The following ATF1 variants were observed in gnomAD, a reference collection of about 807,000 sequenced individuals.
ATF1 encodes activating transcription factor 1, also known as cyclic AMP-dependent transcription factor ATF-1.
A neutral mutation model predicts 34.7 loss-of-function variants in ATF1; 16 were observed. That is an observed-to-expected ratio of 0.46 (90% CI 0.31 to 0.70). The LOEUF (loss-of-function observed/expected upper bound fraction) is 0.70. Among genes scored for constraint, ATF1 ranks in the 30% least tolerant of loss-of-function variants. The pLI, the probability that ATF1 is intolerant of heterozygous loss-of-function variation, is 0.05. For missense variants in ATF1, 255 were observed against 321.6 expected, an observed-to-expected ratio of 0.79 and a Z score of 1.58; for synonymous variants, 105 against 113.1, an observed-to-expected ratio of 0.93 and a Z score of 0.46.
chr12:50,805,488 A>G lies in ATF1; in HGVS notation c.195-3968A>G, dbSNP rs563140783. ...TGGGAGGATCACTTGAGCCTGGGAG[A>G]TCAAGGCTGCAGTGAGCCGTGATTG... is the stretch of plus-strand genomic sequence containing the variant. On this transcript the variant is annotated intron_variant, in intron 3 of 6. Transcript: ENST00000262053. 4.7e-5 allele frequency among the ~76,000 whole-genome samples: 7 copies of G among 148,976 alleles called. No homozygotes were observed. In the South Asian group the frequency reaches 1.3e-3, roughly 27 times the overall value.
In ATF1 at chr12:50,809,456, A is replaced by G; in HGVS notation, c.195A>G (p.Arg65=). 1 of 1,609,450 alleles carries G rather than the reference A, an allele frequency of 6.2e-7. No individual in the cohort carries two copies. Among genetic ancestry groups the G allele is most frequent in the Non-Finnish European group, 8.5e-7 (1 of 1,177,756 alleles). Residue 65 remains arginine (R), a splice_region_variant and synonymous_variant, in exon 4 of 7, where the codon AGA becomes AGG. Transcript: ENST00000262053. ...AATAGAGTTCTGGTTTTTTTTACAG[A>G]AAAATTTTGAAAGACTTATCTTCTG... is the stretch of plus-strand genomic sequence containing the variant. The part of the protein sequence containing the change: ...HGILARRPSY[R]KILKDLSSED...
At chr12:50,771,370 T>C (rs149905851) in intron 1 of ATF1, among the ~76,000 whole-genome samples, 59 of 152,296 alleles carry the variant, frequency 3.9e-4, no homozygotes, top group African/African-American at 1.4e-3. Flanking sequence ...CAGGACAAGC[T>C]TACTGAACGT....
chr12:50,791,797 A>T (rs1265911530), intron 2 of ATF1, among the ~76,000 whole-genome samples: 1 of 152,150 alleles, frequency 6.6e-6, no homozygotes, highest in Non-Finnish European at 1.5e-5. Flanking sequence ...GTGAGCCTGG[A>T]GGGATGATGA....
At chr12:50,815,552 ATT>A (rs34472221) in intron 6 of ATF1, among the ~76,000 whole-genome samples, 1 of 144,380 alleles carries the variant, frequency 6.9e-6, no homozygotes, top group African/African-American at 2.5e-5. Flanking sequence ...CACCCAGCTA[ATT>A]TTTTTTTTTT....
At position 50,776,322 on chromosome 12, in the gene ATF1, G is replaced by GAA. The variant is rs201546779; in HGVS notation, c.-6-3809_-6-3808dup. On this transcript the variant is annotated intron_variant, in intron 1 of 6. Transcript: ENST00000262053. ...CAGAGTGAGACTCTGTCTCAAAAAA[G>GAA]AAAAAAAAAATTTTTTTTTAATTAG... is the stretch of plus-strand genomic sequence containing the variant. Among the ~76,000 whole-genome samples, 3 of 144,202 alleles carry GAA rather than the reference G, an allele frequency of 2.1e-5. No homozygotes were observed. In the Admixed American group the frequency reaches 2.1e-4, roughly 10 times the overall value. The allele number at this position is 144,202 out of a possible 152,430, so 94.6% of individuals were successfully genotyped here.
intron 3 of ATF1, among the ~76,000 whole-genome samples, chr12:50,807,074 A>G (rs1941630474): frequency 6.6e-6 from 1 of 152,216 alleles, no homozygotes; most frequent in African/African-American, 2.4e-5. Flanking sequence ...ACATGTAGCA[A>G]TTATCAAATA....
At position 50,819,913 on chromosome 12, in the gene ATF1, G is replaced by A. The variant is rs760550178; in HGVS notation, c.*134G>A. On this transcript the variant is annotated 3_prime_UTR_variant, in exon 7 of 7. Transcript: ENST00000262053. ...TCCAAATCAAGGATAAATATCTTAC[G>A]CACGATATCTAGTGACAGAGGAGAA... The A allele has an allele frequency of 1.6e-5, 12 of 749,950 alleles. No homozygotes were observed. Among genetic ancestry groups the A allele is most frequent in the East Asian group, 1.2e-4 (4 of 33,956 alleles). The allele number at this position is 749,950 out of a possible 1,614,324, so 46.5% of individuals were successfully genotyped here. A position where few individuals can be genotyped will look rare whatever the true frequency, so the allele number is the denominator to read the frequency against.
At chr12:50,812,729 TAGG>T (rs1380064383) in intron 4 of ATF1, among the ~76,000 whole-genome samples, 1 of 151,688 alleles carries the variant, frequency 6.6e-6, no homozygotes, top group Non-Finnish European at 1.5e-5. Context: ...GAGGCTGAGG[TAGG>T]AGGATTGCTT....
intron 2 of ATF1, among the ~76,000 whole-genome samples, chr12:50,787,677 G>A (rs1001678170): frequency 5.3e-5 from 8 of 152,254 alleles, no homozygotes; most frequent in African/African-American, 1.9e-4. Context: ...AGTGGGCAGA[G>A]GTTGCAGTGA....
At chr12:50,803,941 G>A (rs1396625585) in intron 3 of ATF1, among the ~76,000 whole-genome samples, 2 of 152,194 alleles carry the variant, frequency 1.3e-5, no homozygotes, top group Admixed American at 6.5e-5. Flanking sequence ...TAGCGCTTGG[G>A]AGAGAGGACA....
intron 3 of ATF1, among the ~76,000 whole-genome samples, chr12:50,807,733 C>T (rs36064584): frequency 0.018 from 2,665 of 150,856 alleles, 43 homozygotes; most frequent in Non-Finnish European, 0.03. Context: ...TTAAGCATTT[C>T]TTTTTTCTTT....
intron 2 of ATF1, among the ~76,000 whole-genome samples, chr12:50,790,000 G>T (rs1245441190): frequency 6.6e-6 from 1 of 152,126 alleles, no homozygotes; most frequent in Non-Finnish European, 1.5e-5. Context: ...CCCATAGCCT[G>T]CATTAAATCA....
Position 50,796,088 on chromosome 12 carries a change from A to G in ATF1, c.194+79A>G, listed in dbSNP as rs977508855. ...CAAGAGGTGCTGTGCAAAGTACACT[A>G]AAGAAGTTAGCACGCGTCAGTGTTA... On this transcript the variant is annotated intron_variant, in intron 3 of 6. Transcript: ENST00000262053. 18 of 1,222,920 alleles carry G rather than the reference A, an allele frequency of 1.5e-5. No individual in the cohort carries two copies. In the East Asian group the frequency reaches 3.2e-4, roughly 22 times the overall value. 75.8% of individuals were successfully genotyped at this position (1,222,920 alleles called of 1,614,324 possible). A position where few individuals can be genotyped will look rare whatever the true frequency, so the allele number is the denominator to read the frequency against.
chr12:50,779,816 T>G (rs1941015013), intron 1 of ATF1, among the ~76,000 whole-genome samples: 1 of 152,182 alleles, frequency 6.6e-6, no homozygotes, highest in South Asian at 2.1e-4. Flanking sequence ...ATATGTACAC[T>G]TAGAAACTTC....
At chr12:50,780,285 A>T in intron 2 of ATF1, 47 bp downstream of exon 2, 1 of 1,430,408 alleles carries the variant, frequency 7.0e-7, no homozygotes, top group Admixed American at 1.8e-5. Context: ...GGAATATTTT[A>T]TATGCAGATT....
At chr12:50,777,855 A>G (rs1940962932) in intron 1 of ATF1, among the ~76,000 whole-genome samples, 1 of 152,068 alleles carries the variant, frequency 6.6e-6, no homozygotes, top group African/African-American at 2.4e-5. Flanking sequence ...ACAGTTATTA[A>G]TTCAATGAAG....
At chr12:50,788,596 C>T (rs888870922) in intron 2 of ATF1, among the ~76,000 whole-genome samples, 3 of 151,980 alleles carry the variant, frequency 2.0e-5, no homozygotes, top group Non-Finnish European at 4.4e-5. Context: ...GATCCTCCTG[C>T]CTTTGCCTCC....
chr12:50,778,752 T>A (rs1262502335), intron 1 of ATF1, among the ~76,000 whole-genome samples: 1 of 152,150 alleles, frequency 6.6e-6, no homozygotes, highest in Non-Finnish European at 1.5e-5. Context: ...CACCCCTGGC[T>A]AATTTTTTTT....
chr12:50,786,256 C>A (rs1337946525), intron 2 of ATF1, among the ~76,000 whole-genome samples: 1 of 152,076 alleles, frequency 6.6e-6, no homozygotes, highest in Non-Finnish European at 1.5e-5. Flanking sequence ...TTACTCTTAC[C>A]CTGAAACAAG....
Sources: allele counts gnomAD v4.1 joint callset (sites outside exome capture counted in the v4.1 genomes callset), GRCh38; gene constraint gnomAD v4.1.1; transcripts MANE v1.5; gene names NCBI Gene and HGNC (gene_info 2026-07-23, HGNC 2026-07-21).